NRG3: variants seen among roughly 807,000 people sequenced by gnomAD.
NRG3 encodes pro-neuregulin-3, membrane-bound isoform.
In NRG3, 31 loss-of-function variants were observed where a neutral mutation model predicts 66.9. The ratio of observed to expected loss-of-function variants is 0.46; its 90% confidence interval spans 0.35 to 0.63. The LOEUF (loss-of-function observed/expected upper bound fraction) is 0.63. NRG3 is among the 20% of genes least tolerant of loss of function. The probability of loss-of-function intolerance (pLI) is 0.00; values close to 1 mark genes in which losing one functional copy is unlikely to be tolerated. For synonymous variants in NRG3, 393 were observed against 359.4 expected, an observed-to-expected ratio of 1.09 and a Z score of -1.06; for missense variants, 910 against 878.9, an observed-to-expected ratio of 1.04 and a Z score of -0.45.
chr10:82,486,893 A>G (rs1842728160), intron 2 of NRG3, among the ~76,000 whole-genome samples: 1 of 152,044 alleles, frequency 6.6e-6, no homozygotes. Context: ...AGAAGCAGAA[A>G]GTGGAATGGT....
rs139475799 is a variant in NRG3, at chr10:82,956,414, A to T, written c.1158-2535A>T. Reference sequence around the variant, plus strand: ...CTGGGTGAAGGAAGAAAGAGCAAAAAAGTGTGTGCTTGTGAGAGAGGAGGG... The same window carrying T: ...CTGGGTGAAGGAAGAAAGAGCAAAATAGTGTGTGCTTGTGAGAGAGGAGGG... On this transcript the variant is annotated intron_variant, in intron 5 of 8. Transcript: ENST00000372141. Among the ~76,000 whole-genome samples the T allele has an allele frequency of 4.9e-3, 747 of 151,952 alleles. 21 individuals are homozygous for T. The highest frequency in any genetic ancestry group is 0.017 in the African/African-American group (707 of 41,262).
intron 2 of NRG3, among the ~76,000 whole-genome samples, chr10:82,385,623 G>T (rs910346485): frequency 6.6e-6 from 1 of 152,204 alleles, no homozygotes; most frequent in African/African-American, 2.4e-5. Context: ...AATAAGGAGG[G>T]CAATATTTTA....
chr10:82,526,854 C>T (rs746757511), intron 2 of NRG3, among the ~76,000 whole-genome samples: 2 of 151,914 alleles, frequency 1.3e-5, no homozygotes, highest in Non-Finnish European at 2.9e-5. Context: ...CTGAAAAACA[C>T]AAATTACTTT....
Position 82,398,526 on chromosome 10 carries a change from T to TGAGA in NRG3, c.953+39674_953+39677dup, listed in dbSNP as rs10690548. ...GTGTGTGTGTGTGTGTGTGTGTGTGTGAGAGAGAGAGAGAGAGAGTATGAG... is the reference window on the plus strand; with the variant it reads ...GTGTGTGTGTGTGTGTGTGTGTGTGTGAGAGAGAGAGAGAGAGAGAGAGTATGAG... On this transcript the variant is annotated intron_variant, in intron 2 of 8. Transcript: ENST00000372141. 3.5e-3 allele frequency among the ~76,000 whole-genome samples: 472 copies of TGAGA among 136,560 alleles called. 2 individuals are homozygous for TGAGA. The highest frequency in any genetic ancestry group is 0.013 in the African/African-American group (436 of 34,224). The allele number at this position is 136,560 out of a possible 152,430, so 89.6% of individuals were successfully genotyped here.
At chr10:82,478,231 CTTTTTTTTTTTTTT>C (rs1210990084) in intron 2 of NRG3, among the ~76,000 whole-genome samples, 1 of 18,164 alleles carries the variant, frequency 5.5e-5, no homozygotes, top group South Asian at 7.7e-3. Context: ...TTGTGTCACT[CTTTTTTTTTTTTTT>C]TTTTTTTTTT....
At position 82,754,292 on chromosome 10, in the gene NRG3, G is replaced by A. The variant is rs111437890; in HGVS notation, c.1027+15642G>A. On this transcript the variant is annotated intron_variant, in intron 3 of 8. Transcript: ENST00000372141. ...TCATTATAATATTCTTAATTATTAG[G>A]GTTTTATTAAATATATTAAAATATA... Among the ~76,000 whole-genome samples the A allele has an allele frequency of 4.8e-3, 727 of 150,792 alleles. 4 individuals carry two copies. The highest frequency in any genetic ancestry group is 0.016 in the African/African-American group (671 of 41,230).
At chr10:82,880,667 G>T (rs2136056084) in intron 4 of NRG3, among the ~76,000 whole-genome samples, 1 of 152,202 alleles carries the variant, frequency 6.6e-6, no homozygotes, top group Middle Eastern at 3.4e-3. Flanking sequence ...ACTCAACTAG[G>T]CCCTCAGCTG....
intron 4 of NRG3, among the ~76,000 whole-genome samples, chr10:82,869,185 T>C (rs1841045752): frequency 6.6e-6 from 1 of 152,212 alleles, no homozygotes; most frequent in South Asian, 2.1e-4. Flanking sequence ...TCTATTTGTG[T>C]GTGTGTGTGT....
At position 82,175,811 on chromosome 10, in the gene NRG3, C is replaced by A. The variant is rs559969621; in HGVS notation, c.824-182928C>A. Among the ~76,000 whole-genome samples, 85 of 152,244 alleles carry A rather than the reference C, an allele frequency of 5.6e-4. 2 individuals carry two copies. In the South Asian group the frequency reaches 0.015, roughly 27 times the overall value. Reference sequence around the variant, plus strand: ...AGTTGCTCATGCCAAAAAATACATACTTTGGTAGACGGATACTATTTATTG... The same window carrying A: ...AGTTGCTCATGCCAAAAAATACATAATTTGGTAGACGGATACTATTTATTG... On this transcript the variant is annotated intron_variant, in intron 1 of 8. Transcript: ENST00000372141.
chr10:82,791,425 A>G (rs989777391), intron 3 of NRG3, among the ~76,000 whole-genome samples: 1 of 151,672 alleles, frequency 6.6e-6, no homozygotes, highest in Non-Finnish European at 1.5e-5. Flanking sequence ...ACTGATTTCT[A>G]CAGAGATTGC....
chr10:82,545,632 C>T (rs1202850835), intron 2 of NRG3, among the ~76,000 whole-genome samples: 2 of 151,908 alleles, frequency 1.3e-5, no homozygotes, highest in African/African-American at 4.8e-5. Flanking sequence ...CCGCCCGCCT[C>T]GGCCTCCCAA....
chr10:82,054,804 G>A (rs1211668196), intron 1 of NRG3, among the ~76,000 whole-genome samples: 1 of 151,894 alleles, frequency 6.6e-6, no homozygotes, highest in Non-Finnish European at 1.5e-5. Context: ...CCACGAGTTA[G>A]AGACCAGCCT....
Position 82,486,746 on chromosome 10 carries a change from G to C in NRG3, c.953+127878G>C, listed in dbSNP as rs139225875. ...ACCATGAGATATCATTCAGCCATAAGAATGGAGGAAATTCTGTCAAATGCT... is the reference window on the plus strand; with the variant it reads ...ACCATGAGATATCATTCAGCCATAACAATGGAGGAAATTCTGTCAAATGCT... On this transcript the variant is annotated intron_variant, in intron 2 of 8. Transcript: ENST00000372141. 7.0e-4 allele frequency among the ~76,000 whole-genome samples: 106 copies of C among 152,264 alleles called. 1 individual carries two copies. The East Asian group carries it at 0.017, about 24-fold the overall frequency.
chr10:82,613,750 G>A (rs752588763), intron 2 of NRG3, among the ~76,000 whole-genome samples: 44 of 149,978 alleles, frequency 2.9e-4, no homozygotes, highest in Admixed American at 1.0e-3. Context: ...GGTTAGTTAC[G>A]TATGTATACA....
At chr10:82,729,757 C>T (rs2057794891) in intron 2 of NRG3, among the ~76,000 whole-genome samples, 1 of 152,154 alleles carries the variant, frequency 6.6e-6, no homozygotes, top group Admixed American at 6.5e-5. Flanking sequence ...GTTGCTGTTT[C>T]CCAGGTACTA....
chr10:82,371,453 T>C (rs954437754), intron 2 of NRG3, among the ~76,000 whole-genome samples: 2 of 152,196 alleles, frequency 1.3e-5, no homozygotes, highest in Non-Finnish European at 2.9e-5. Context: ...TGCCAATGTT[T>C]ATTAAGCATT....
chr10:81,958,341 T>C (rs1350668591), intron 1 of NRG3, among the ~76,000 whole-genome samples: 2 of 152,204 alleles, frequency 1.3e-5, no homozygotes. Flanking sequence ...TTATAAGCTA[T>C]TGTTATGTTT....
chr10:82,744,504 T>C (rs953130859), intron 3 of NRG3, among the ~76,000 whole-genome samples: 1 of 152,144 alleles, frequency 6.6e-6, no homozygotes, highest in African/African-American at 2.4e-5. Context: ...TCCCGATCTA[T>C]CACCTCCCAA....
chr10:82,916,771 A>G (rs1591947274), intron 4 of NRG3, among the ~76,000 whole-genome samples: 1 of 151,990 alleles, frequency 6.6e-6, no homozygotes, highest in African/African-American at 2.4e-5. Flanking sequence ...GCGTGCCACC[A>G]CGCCCAGCTA....
Sources: gnomAD v4.1 joint callset for allele counts (sites outside exome capture counted in the v4.1 genomes callset) on GRCh38, gnomAD v4.1.1 for gene constraint, MANE v1.5 for transcripts, NCBI Gene and HGNC (gene_info 2026-07-23, HGNC 2026-07-21) for gene names.